The following POLQ variants were observed in gnomAD, a reference collection of about 807,000 sequenced individuals.
The protein encoded by POLQ is DNA polymerase theta.
Under a neutral mutation model 259.2 loss-of-function variants are expected in POLQ, and 233 were observed. The ratio of observed to expected loss-of-function variants is 0.90; its 90% confidence interval spans 0.81 to 1.00. The LOEUF (loss-of-function observed/expected upper bound fraction) is 1.00, where lower values mean the gene tolerates loss of function less well. Among genes scored for constraint, POLQ ranks in the 50% least tolerant of loss-of-function variants. The probability of loss-of-function intolerance (pLI) is 0.00; values close to 1 mark genes in which losing one functional copy is unlikely to be tolerated. For synonymous variants in POLQ, 1,025 were observed against 1,048.8 expected, an observed-to-expected ratio of 0.98 and a Z score of 0.44; for missense variants, 2,871 against 3,051.6, an observed-to-expected ratio of 0.94 and a Z score of 1.39.
At chr3:121,483,603 AGG>A in intron 17 of POLQ, 21 bp from the exon 18 acceptor site, 25 of 1,416,872 alleles carry the variant, frequency 1.8e-5, no homozygotes, top group South Asian at 2.9e-5. Context: ...AAAAAAAAAA[AGG>A]AAAAAACATT....
intron 20 of POLQ, among the ~76,000 whole-genome samples, chr3:121,474,751 C>T (rs989095861): frequency 1.2e-4 from 18 of 152,142 alleles, no homozygotes; most frequent in African/African-American, 4.3e-4. Flanking sequence ...CTATGTTACA[C>T]AGATATGAAC....
intron 9 of POLQ, among the ~76,000 whole-genome samples, chr3:121,515,306 T>C (rs2048286803): frequency 6.6e-6 from 1 of 152,108 alleles, no homozygotes; most frequent in South Asian, 2.1e-4. Context: ...GGGATTACAG[T>C]CATGAGCCAC....
At chr3:121,436,318 A>G (rs1468659983) in intron 27 of POLQ, 43 bp from the exon 28 acceptor site, 1 of 1,600,128 alleles carries the variant, frequency 6.2e-7, no homozygotes, top group East Asian at 2.2e-5. Flanking sequence ...ATATGCCAAC[A>G]TGGTTTCATA....
At chr3:121,442,886 G>A (rs1347586610) in intron 26 of POLQ, among the ~76,000 whole-genome samples, 2 of 152,030 alleles carry the variant, frequency 1.3e-5, no homozygotes. Flanking sequence ...TTGAGATGGA[G>A]TCTCACTCTG....
Position 121,489,615 on chromosome 3 carries a change from T to C in POLQ, c.3316A>G (p.Lys1106Glu), listed in dbSNP as rs1376505886. Residue 1106 changes from lysine (K) to glutamate (E), a missense_variant, in exon 16 of 30, where the codon AAG becomes GAG. By Grantham distance (56) the Lys-to-Glu change is moderately conservative. Transcript: ENST00000264233. Reference protein sequence around the residue: ...PFAKNVSLSGKEKDNKTSFPL... With the variant: ...PFAKNVSLSGEEKDNKTSFPL... ...AATGATGTTTTATTATCTTTTTCCT[T>C]ACCACTCAAAGATACATTTTTAGCA... 6.2e-7 allele frequency: 1 copy of C among 1,613,818 alleles called. No individual in the cohort carries two copies. The highest frequency in any genetic ancestry group is 2.2e-5 in the East Asian group (1 of 44,884).
At chr3:121,465,486 GGACTT>G (rs2047827711) in intron 24 of POLQ, among the ~76,000 whole-genome samples, 1 of 151,940 alleles carries the variant, frequency 6.6e-6, no homozygotes, top group Admixed American at 6.6e-5. Flanking sequence ...TTGCTTTATT[GGACTT>G]GACTTTATTA....
At chr3:121,458,541 T>C (rs1332287407) in intron 25 of POLQ, among the ~76,000 whole-genome samples, 1 of 152,224 alleles carries the variant, frequency 6.6e-6, no homozygotes, top group Non-Finnish European at 1.5e-5. Context: ...AAAATGGTGA[T>C]AGTAATAATA....
chr3:121,509,618 G>A lies in POLQ; in HGVS notation c.1902C>T (p.Asp634=), dbSNP rs144232035. 1.6e-4 allele frequency: 252 copies of A among 1,613,544 alleles called. No individual in the cohort carries two copies. The highest frequency in any genetic ancestry group is 6.6e-4 in the Middle Eastern group (4 of 6,062). The part of the protein sequence containing the change: ...SPADTLDIFA[D]LQRAMKGFVL... Reference sequence around the variant, plus strand: ...CAAAGCCCTTCATTGCTCTTTGCAGGTCAGCAAAAATATCTAAAGTATCAG... The same window carrying A: ...CAAAGCCCTTCATTGCTCTTTGCAGATCAGCAAAAATATCTAAAGTATCAG... Residue 634 remains aspartate (D), a synonymous_variant, in exon 12 of 30, where the codon GAC becomes GAT. Transcript: ENST00000264233.
chr3:121,511,824 T>C, intron 10 of POLQ, 63 bp downstream of exon 10: 1 of 1,220,320 alleles, frequency 8.2e-7, no homozygotes, highest in East Asian at 2.4e-5. Context: ...GATTTTCATA[T>C]ACTAACATTT....
chr3:121,542,927 C>T (rs956013404), intron 2 of POLQ, among the ~76,000 whole-genome samples: 6 of 151,864 alleles, frequency 4.0e-5, no homozygotes, highest in African/African-American at 2.4e-5. Context: ...GCAGAGGTTG[C>T]AGTGAGCTGA....
At chr3:121,519,654 C>T (rs139001951) in intron 9 of POLQ, among the ~76,000 whole-genome samples, 8,610 of 133,748 alleles carry the variant, frequency 0.064, 312 homozygotes, top group Middle Eastern at 0.11. Context: ...GCAGCCTGGG[C>T]GACAGAGCGA....
Position 121,488,583 on chromosome 3 carries a change from G to C in POLQ, c.4348C>G (p.Gln1450Glu). 2 of 1,610,106 alleles carry C rather than the reference G, an allele frequency of 1.2e-6. No individual in the cohort carries two copies. Among genetic ancestry groups the C allele is most frequent in the Non-Finnish European group, 1.7e-6 (2 of 1,178,764 alleles). Residue 1450 changes from glutamine to glutamate, a missense_variant, in exon 16 of 30, where the codon CAA becomes GAA. This residue lies in a region of POLQ where 2,080 missense variants were observed against 2,126.0 expected (regional missense o/e 0.98). Transcript: ENST00000264233. ...ACTGGTTTCACAGTTTCTTGTGTTTGATAACCTTGAAGAAAACTATTTAAT... is the reference window on the plus strand; with the variant it reads ...ACTGGTTTCACAGTTTCTTGTGTTTCATAACCTTGAAGAAAACTATTTAAT... ...SQLNSFLQGYQTQETVKPVIL... is the reference protein window; with the variant it reads ...SQLNSFLQGYETQETVKPVIL...
chr3:121,533,854 C>A (rs2048429543), intron 5 of POLQ, among the ~76,000 whole-genome samples: 1 of 150,804 alleles, frequency 6.6e-6, no homozygotes, highest in Admixed American at 6.6e-5. Flanking sequence ...CCCTGATAAC[C>A]AATGAGACTA....
At position 121,432,430 on chromosome 3, in the gene POLQ, A is replaced by C; in HGVS notation, c.7660-13T>G. The C allele has an allele frequency of 6.3e-7, 1 of 1,599,716 alleles. No individual in the cohort carries two copies. The highest frequency in any genetic ancestry group is 8.5e-7 in the Non-Finnish European group (1 of 1,175,578). ...CAATCTGAGCTACCTAAGGAAAAAA[A>C]AAATGTAGTTAACAAACTGCCCAGT... On this transcript the variant is annotated splice_polypyrimidine_tract_variant and intron_variant, in intron 29 of 29. Transcript: ENST00000264233.
chr3:121,531,168 C>T (rs1321590357), intron 6 of POLQ, among the ~76,000 whole-genome samples: 4 of 152,042 alleles, frequency 2.6e-5, no homozygotes, highest in African/African-American at 9.7e-5. Context: ...GCCTGGGCAA[C>T]AAGAGCAAAA....
intron 9 of POLQ, among the ~76,000 whole-genome samples, chr3:121,512,801 G>C (rs1168870899): frequency 3.3e-5 from 5 of 152,136 alleles, no homozygotes; most frequent in Non-Finnish European, 4.4e-5. Context: ...GTAATTAATA[G>C]AGGTACTTTC....
At position 121,481,832 on chromosome 3, in the gene POLQ, G is replaced by T. The variant is rs1376543036; in HGVS notation, c.5971-20C>A. The stretch of plus-strand genomic sequence containing the variant: ...TGCCACCTGAATGGGATAGCAATGA[G>T]AATATTTTCCTGATTTTTTTCAAAG... On this transcript the variant is annotated intron_variant, in intron 18 of 29. Coordinates refer to ENST00000264233, the MANE Select transcript of POLQ (RefSeq NM_199420.4). The T allele has an allele frequency of 1.3e-6, 2 of 1,567,480 alleles. No homozygotes were observed. Among genetic ancestry groups the T allele is most frequent in the African/African-American group, 2.7e-5 (2 of 73,018 alleles).
At chr3:121,476,926 G>A (rs1298232781) in intron 19 of POLQ, among the ~76,000 whole-genome samples, 193 bp from the exon 20 acceptor site, 1 of 152,138 alleles carries the variant, frequency 6.6e-6, no homozygotes, top group Admixed American at 6.5e-5. Flanking sequence ...GTTTAGCACT[G>A]GACAACTATC....
chr3:121,477,028 C>A (rs765689216), intron 19 of POLQ, among the ~76,000 whole-genome samples: 3 of 152,216 alleles, frequency 2.0e-5, no homozygotes, highest in Non-Finnish European at 4.4e-5. Flanking sequence ...TCTGCTTCTA[C>A]TCTTAGCAGC....
Sources: gnomAD v4.1 joint callset for allele counts (sites outside exome capture counted in the v4.1 genomes callset) on GRCh38, gnomAD v4.1.1 for gene constraint, gnomAD v4.1.1 regional missense constraint, MANE v1.5 for transcripts, NCBI Gene and HGNC (gene_info 2026-07-23, HGNC 2026-07-21) for gene names.